Variants in NEK1 observed in about 807,000 individuals in gnomAD.
The protein encoded by NEK1 is NIMA related kinase 1.
NEK1 carries 137 observed loss-of-function variants against 182.1 expected under a neutral mutation model. That is an observed-to-expected ratio of 0.75 (90% CI 0.65 to 0.87). The LOEUF is 0.87. NEK1 is among the 40% of genes least tolerant of loss of function. NEK1 has a pLI of 0.00. For missense variants in NEK1, 1,391 were observed against 1,494.4 expected (o/e 0.93, Z 1.14); for synonymous variants, 513 against 492.2 (o/e 1.04, Z -0.56).
chr4:169,496,190 T>A (rs2149637973), intron 23 of NEK1, among the ~76,000 whole-genome samples: 1 of 152,318 alleles, frequency 6.6e-6, no homozygotes, highest in Middle Eastern at 3.4e-3. Flanking sequence ...TCACTCATGA[T>A]TTGGCTCTCT....
At chr4:169,607,077 A>T (rs545032689) in intron 2 of NEK1, among the ~76,000 whole-genome samples, 1 of 152,374 alleles carries the variant, frequency 6.6e-6, no homozygotes, top group Admixed American at 6.5e-5. Flanking sequence ...TGCTCCTGTT[A>T]TTCTGTTCCT....
chr4:169,498,628 T>C (rs1452365034), intron 23 of NEK1, among the ~76,000 whole-genome samples: 1 of 152,166 alleles, frequency 6.6e-6, no homozygotes. Context: ...AGCATTTGCT[T>C]GTCTGTAAAG....
intron 23 of NEK1, among the ~76,000 whole-genome samples, chr4:169,499,377 C>T (rs1278308027): frequency 6.6e-6 from 1 of 152,066 alleles, no homozygotes; most frequent in African/African-American, 2.4e-5. Flanking sequence ...GTAGTTTGAT[C>T]ATCTGAAGCC....
In NEK1 at chr4:169,400,333, TTTCATC is replaced by T. The variant is rs1281834400; in HGVS notation, c.3733_3738del (p.Asp1245_Glu1246del). 1 of 1,529,706 alleles carries T rather than the reference TTTCATC, an allele frequency of 6.5e-7. No individual in the cohort carries two copies. Among genetic ancestry groups the T allele is most frequent in the Non-Finnish European group, 8.8e-7 (1 of 1,130,760 alleles). 94.8% of individuals were successfully genotyped at this position (1,529,706 alleles called of 1,614,324 possible). On this transcript the variant is annotated inframe_deletion, in exon 35 of 36. Coordinates refer to ENST00000507142, the MANE Select transcript of NEK1 (RefSeq NM_001199397.3). Reference sequence around the variant, plus strand: ...ACTATTTTTGAACAAATTTCAATATTTTCATCTTCATCTTCATGAATAGCCTATACC... The same window carrying T: ...ACTATTTTTGAACAAATTTCAATATTTTCATCTTCATGAATAGCCTATACC...
intron 2 of NEK1, among the ~76,000 whole-genome samples, chr4:169,611,026 C>T (rs72694708): frequency 0.088 from 13,425 of 152,236 alleles, 766 homozygotes; most frequent in African/African-American, 0.16. Flanking sequence ...ATTTTTTCTT[C>T]TCTGTAAGTC....
chr4:169,448,399 T>C (rs746040480), intron 27 of NEK1, among the ~76,000 whole-genome samples: 6 of 152,054 alleles, frequency 3.9e-5, no homozygotes, highest in Non-Finnish European at 7.4e-5. Context: ...GGTTATAAGA[T>C]AGTATTTATA....
intron 23 of NEK1, among the ~76,000 whole-genome samples, chr4:169,503,511 T>C (rs1487803987): frequency 6.6e-6 from 1 of 152,036 alleles, no homozygotes; most frequent in East Asian, 1.9e-4. Flanking sequence ...GGTGCTGGCA[T>C]AAAAACAGGC....
intron 27 of NEK1, among the ~76,000 whole-genome samples, chr4:169,440,647 TG>T (rs2076119688): frequency 6.6e-6 from 1 of 152,146 alleles, no homozygotes; most frequent in African/African-American, 2.4e-5. Flanking sequence ...GCGAAACAGT[TG>T]GCCTGGCTAG....
intron 26 of NEK1, among the ~76,000 whole-genome samples, chr4:169,467,120 A>G (rs1197936484): frequency 6.6e-6 from 1 of 150,606 alleles, no homozygotes; most frequent in Non-Finnish European, 1.5e-5. Flanking sequence ...TCTCTTAGTA[A>G]CATTTTCTTT....
At chr4:169,426,378 C>G (rs1736395453) in intron 29 of NEK1, 144 bp from the exon 30 acceptor site, 1 of 657,254 alleles carries the variant, frequency 1.5e-6, no homozygotes, top group Non-Finnish European at 2.7e-6. Context: ...TTCATATATA[C>G]TTTCTCACAT....
intron 5 of NEK1, among the ~76,000 whole-genome samples, chr4:169,594,599 T>C (rs1378369440): frequency 6.6e-6 from 1 of 152,208 alleles, no homozygotes; most frequent in African/African-American, 2.4e-5. Flanking sequence ...CTTATAATTT[T>C]ATTTCCTTCA....
chr4:169,468,203 G>C (rs1187179800), intron 26 of NEK1, among the ~76,000 whole-genome samples: 1 of 152,080 alleles, frequency 6.6e-6, no homozygotes, highest in Non-Finnish European at 1.5e-5. Flanking sequence ...TTATGCTTGA[G>C]TGAAAGAAGC....
At chr4:169,591,343 T>C (rs1317257990) in intron 5 of NEK1, among the ~76,000 whole-genome samples, 2 of 151,964 alleles carry the variant, frequency 1.3e-5, no homozygotes, top group Non-Finnish European at 2.9e-5. Context: ...ACAGAGACAG[T>C]GTCCCACTAT....
At chr4:169,558,469 C>T (rs1261141521) in intron 16 of NEK1, among the ~76,000 whole-genome samples, 2 of 152,192 alleles carry the variant, frequency 1.3e-5, no homozygotes, top group Admixed American at 1.3e-4. Context: ...GATCTGCTTT[C>T]CGTCACTACA....
intron 23 of NEK1, among the ~76,000 whole-genome samples, chr4:169,496,734 T>C (rs1751377522): frequency 6.6e-6 from 1 of 150,974 alleles, no homozygotes; most frequent in African/African-American, 2.5e-5. Context: ...TGAACCAGCC[T>C]TGCATCCCAG....
intron 32 of NEK1, among the ~76,000 whole-genome samples, chr4:169,404,385 C>T (rs1321718070): frequency 6.6e-6 from 1 of 151,938 alleles, no homozygotes; most frequent in African/African-American, 2.4e-5. Context: ...TGAAGTTTCA[C>T]CAGAAACTTA....
intron 28 of NEK1, 55 bp from the exon 29 acceptor site, chr4:169,433,720 T>C: frequency 6.3e-7 from 1 of 1,575,016 alleles, no homozygotes; most frequent in Non-Finnish European, 8.7e-7. Flanking sequence ...GTCAAGAGAA[T>C]ATTGAATAAA....
At chr4:169,565,797 G>A (rs1025626605) in intron 12 of NEK1, among the ~76,000 whole-genome samples, 6 of 152,160 alleles carry the variant, frequency 3.9e-5, no homozygotes, top group African/African-American at 7.2e-5. Flanking sequence ...CTAGGGCTGC[G>A]GGGTTGGGGG....
chr4:169,495,485 G>A (rs1465472375), intron 23 of NEK1, among the ~76,000 whole-genome samples: 10 of 151,984 alleles, frequency 6.6e-5, no homozygotes, highest in Admixed American at 2.6e-4. Flanking sequence ...CTCGTGATCC[G>A]CCCGTCTCGG....
Sources: gnomAD v4.1 joint callset for allele counts (sites outside exome capture counted in the v4.1 genomes callset) on GRCh38, gnomAD v4.1.1 for gene constraint, MANE v1.5 for transcripts, NCBI Gene and HGNC (gene_info 2026-07-23, HGNC 2026-07-21) for gene names.